Variants in ATP5PF observed in about 807,000 individuals in gnomAD.
ATP5PF encodes ATP synthase peripheral stalk subunit F6, mitochondrial.
A neutral mutation model predicts 12.0 loss-of-function variants in ATP5PF; 7 were observed. The observed-to-expected ratio is 0.58, with a 90% CI of 0.33 to 1.10. The LOEUF is 1.10. Among genes scored for constraint, ATP5PF ranks in the 50% least tolerant of loss-of-function variants. The pLI, the probability that ATP5PF is intolerant of heterozygous loss-of-function variation, is 0.03. For synonymous variants in ATP5PF, 41 were observed against 45.4 expected (o/e 0.90, Z 0.39); for missense variants, 120 against 127.7 (o/e 0.94, Z 0.29).
chr21:25,725,017 T>A, intron 3 of ATP5PF: 1 of 665,270 alleles, frequency 1.5e-6, no homozygotes. Context: ...CGATTTCAGA[T>A]CCCCACCATT....
At chr21:25,728,900 T>C (rs1187350678) in intron 2 of ATP5PF, among the ~76,000 whole-genome samples, 3 of 152,258 alleles carry the variant, frequency 2.0e-5, no homozygotes, top group Non-Finnish European at 4.4e-5. Flanking sequence ...AAATGCCCTG[T>C]GGCCCATCAC....
chr21:25,735,264 A>G (rs2034996354), upstream of ATP5PF: 4 of 496,766 alleles, frequency 8.1e-6, no homozygotes, highest in Non-Finnish European at 1.5e-5. Flanking sequence ...GGTGCAGGGA[A>G]AGTGAGACTG....
At chr21:25,730,758 A>C (rs1266103812) in intron 1 of ATP5PF, among the ~76,000 whole-genome samples, 3 of 143,816 alleles carry the variant, frequency 2.1e-5, no homozygotes, top group South Asian at 2.1e-4. Context: ...AAAAAAAAAA[A>C]AAAAAAAAAA....
intron 1 of ATP5PF, chr21:25,734,343 TTAG>T (rs1170905863): frequency 5.1e-6 from 5 of 986,184 alleles, no homozygotes; most frequent in Non-Finnish European, 4.8e-6. Context: ...CGGCCAAAGG[TTAG>T]TAGGTTCGCT....
chr21:25,725,222 G>A lies in ATP5PF; in HGVS notation c.289+4C>T, dbSNP rs374583929. 6.3e-5 allele frequency: 101 copies of A among 1,600,064 alleles called. No homozygotes were observed. Among genetic ancestry groups the A allele is most frequent in the African/African-American group, 4.5e-4 (33 of 74,100 alleles). On this transcript the variant is annotated splice_donor_region_variant and intron_variant, in intron 3 of 3. Transcript: ENST00000284971. ...AGAATGAATCTGTGATTTATAAGAC[G>A]TACCTTCAAATTTGAAGGTGGGAAA...
At chr21:25,735,027 G>C (rs962620933), upstream of ATP5PF, 9 of 1,496,878 alleles carry the variant, frequency 6.0e-6, no homozygotes, top group East Asian at 2.5e-5. Flanking sequence ...GCGACCGGAC[G>C]GGTCTAGGTG....
chr21:25,734,519 G>A (rs1008878299), intron 1 of ATP5PF: 8 of 567,550 alleles, frequency 1.4e-5, no homozygotes, highest in South Asian at 5.4e-5. Context: ...CCGTGCGCCC[G>A]GGGCGGGTAG....
At chr21:25,734,315 T>C in intron 1 of ATP5PF, 1 of 985,918 alleles carries the variant, frequency 1.0e-6, no homozygotes, top group Non-Finnish European at 1.2e-6. Flanking sequence ...CATGGTTCTA[T>C]TTATAGTGAT....
upstream of ATP5PF, chr21:25,735,259 A>T: frequency 2.0e-6 from 1 of 510,194 alleles, no homozygotes; most frequent in East Asian, 3.3e-5. Context: ...ATAAAGGTGC[A>T]GGGAAAGTGA....
At chr21:25,727,544 T>C (rs1296176349) in intron 2 of ATP5PF, among the ~76,000 whole-genome samples, 1 of 152,242 alleles carries the variant, frequency 6.6e-6, no homozygotes, top group Non-Finnish European at 1.5e-5. Flanking sequence ...CCCAAGGTCA[T>C]AGAGCTAATT....
chr21:25,730,088 T>C (rs1235897105), intron 1 of ATP5PF, among the ~76,000 whole-genome samples: 2 of 152,138 alleles, frequency 1.3e-5, no homozygotes. Context: ...TTGAACTTAG[T>C]CATGGATCAG....
intron 1 of ATP5PF, among the ~76,000 whole-genome samples, chr21:25,731,714 C>T (rs984383336): frequency 1.3e-5 from 2 of 152,162 alleles, no homozygotes; most frequent in Non-Finnish European, 2.9e-5. Flanking sequence ...TGACACCGGA[C>T]TTCTACTAAG....
chr21:25,732,953 C>G (rs1039481494), intron 1 of ATP5PF, among the ~76,000 whole-genome samples: 1 of 133,728 alleles, frequency 7.5e-6, no homozygotes, highest in African/African-American at 2.8e-5. Flanking sequence ...CTGCACTCCT[C>G]CACCCTGGGC....
At chr21:25,724,957 T>G (rs1187744235) in intron 3 of ATP5PF, 14 of 588,868 alleles carry the variant, frequency 2.4e-5, no homozygotes, top group African/African-American at 1.9e-5. Flanking sequence ...AGTTAATTAC[T>G]CAAGATTACA....
At chr21:25,727,057 C>G (rs1345805668) in intron 2 of ATP5PF, among the ~76,000 whole-genome samples, 2 of 152,218 alleles carry the variant, frequency 1.3e-5, no homozygotes, top group Non-Finnish European at 2.9e-5. Context: ...CTAGCCATAT[C>G]TGGCTATTGA....
intron 3 of ATP5PF, 165 bp from the exon 4 acceptor site, chr21:25,724,842 G>A (rs542094266): frequency 7.2e-6 from 5 of 695,546 alleles, no homozygotes; most frequent in Non-Finnish European, 1.2e-5. Context: ...CACTTTCTAT[G>A]AGCCATGCAT....
chr21:25,729,502 G>C, intron 2 of ATP5PF, 129 bp downstream of exon 2: 1 of 788,670 alleles, frequency 1.3e-6, no homozygotes, highest in East Asian at 2.8e-5. Flanking sequence ...GGCACCTAAT[G>C]AACCTCTATG....
At chr21:25,732,611 A>G (rs1159667908) in intron 1 of ATP5PF, among the ~76,000 whole-genome samples, 1 of 151,328 alleles carries the variant, frequency 6.6e-6, no homozygotes, top group Non-Finnish European at 1.5e-5. Context: ...GCACCACTGC[A>G]TTCCAGCCTG....
intron 1 of ATP5PF, chr21:25,734,275 T>C: frequency 1.0e-6 from 1 of 963,038 alleles, no homozygotes; most frequent in Non-Finnish European, 1.2e-6. Flanking sequence ...AAAACACTAG[T>C]CTGAGCAGAG....
Sources: allele counts gnomAD v4.1 joint callset (sites outside exome capture counted in the v4.1 genomes callset), GRCh38; gene constraint gnomAD v4.1.1; transcripts MANE v1.5; gene names NCBI Gene and HGNC (gene_info 2026-07-23, HGNC 2026-07-21).